The following EIF3B variants were observed in gnomAD, a reference collection of about 807,000 sequenced individuals.
EIF3B encodes the protein eukaryotic translation initiation factor 3 subunit 9.
EIF3B carries 10 observed loss-of-function variants against 104.6 expected under a neutral mutation model. The observed-to-expected ratio is 0.10, with a 90% CI of 0.06 to 0.16. The LOEUF is 0.16. Ranked by LOEUF, EIF3B falls within the 10% of genes least tolerant of loss-of-function variation. The probability of loss-of-function intolerance (pLI) is 1.00; values close to 1 mark genes in which losing one functional copy is unlikely to be tolerated. For synonymous variants in EIF3B, 542 were observed against 417.2 expected, an observed-to-expected ratio of 1.30 and a Z score of -3.65; for missense variants, 1,014 against 1,087.9, an observed-to-expected ratio of 0.93 and a Z score of 0.96.
intron 1 of EIF3B, among the ~76,000 whole-genome samples, chr7:2,358,885 C>T (rs940093758): frequency 1.7e-4 from 26 of 152,158 alleles, no homozygotes; most frequent in Non-Finnish European, 2.9e-5. Flanking sequence ...CATTTCATCA[C>T]ATCAAGAACA....
At chr7:2,378,334 T>C (rs1350576176) in intron 15 of EIF3B, 2 of 263,698 alleles carry the variant, frequency 7.6e-6, no homozygotes, top group South Asian at 4.5e-5. Flanking sequence ...TGCTGTGTTG[T>C]GTGAATGACC....
chr7:2,369,765 ATTTTTTTTTTT>A (rs552367791), intron 10 of EIF3B, 83 bp downstream of exon 10: 145 of 366,038 alleles, frequency 4.0e-4, no homozygotes, highest in Middle Eastern at 1.5e-3. Context: ...GTGTTAATGG[ATTTTTTTTTTT>A]TTTTTTTTTT....
In EIF3B at chr7:2,355,243, C is replaced by T. The variant is rs1235999032; in HGVS notation, c.322C>T (p.Pro108Ser). The T allele has an allele frequency of 7.9e-6, 12 of 1,523,932 alleles. No homozygotes were observed. The highest frequency in any genetic ancestry group is 4.2e-5 in the African/African-American group (3 of 71,076). 94.4% of individuals were successfully genotyped at this position (1,523,932 alleles called of 1,614,324 possible). Residue 108 changes from proline to serine, a missense_variant, in exon 1 of 19, where the codon CCA becomes TCA. Physicochemically the swap from Pro to Ser is moderately conservative, Grantham distance 74. Coordinates refer to ENST00000360876, the MANE Select transcript of EIF3B (RefSeq NM_001037283.2). ...CCCTGTCCCGGCACAGGGCGAGGCC[C>T]CAGGAGAGCAGGCTCGGGACGAGCG... ...EPPVPAQGEA[P>S]GEQARDERSD...
intron 16 of EIF3B, 172 bp from the exon 17 acceptor site, chr7:2,378,962 C>G (rs1189773191): frequency 1.3e-6 from 1 of 746,912 alleles, no homozygotes; most frequent in Non-Finnish European, 2.2e-6. Flanking sequence ...TCACTGCTGC[C>G]TTGTGGGTGG....
intron 10 of EIF3B, among the ~76,000 whole-genome samples, chr7:2,371,395 G>A (rs866278817): frequency 1.1e-4 from 17 of 152,344 alleles, no homozygotes; most frequent in Middle Eastern, 3.4e-3. Flanking sequence ...TATGGCTACA[G>A]GACACCCCAC....
intron 4 of EIF3B, 95 bp downstream of exon 4, chr7:2,363,222 G>C: frequency 7.8e-7 from 1 of 1,283,296 alleles, no homozygotes; most frequent in Non-Finnish European, 1.1e-6. Context: ...GGAGGCTGAG[G>C]TGGGAGGATC....
chr7:2,376,607 A>G (rs1452092335), intron 14 of EIF3B: 2 of 240,026 alleles, frequency 8.3e-6, no homozygotes, highest in South Asian at 1.4e-4. Context: ...TACGTTTGGC[A>G]CAGGGTTCAG....
chr7:2,369,382 T>A lies in EIF3B; in HGVS notation c.1404-90T>A, dbSNP rs557838273. On this transcript the variant is annotated intron_variant, in intron 9 of 18. Transcript: ENST00000360876. Reference sequence around the variant, plus strand: ...CAGCTGTGACAGCATTGAGCTTCTATATAGCAAATGAGTTGTTCTATTCTC... The same window carrying A: ...CAGCTGTGACAGCATTGAGCTTCTAAATAGCAAATGAGTTGTTCTATTCTC... 27 of 1,357,938 alleles carry A rather than the reference T, an allele frequency of 2.0e-5. No homozygotes were observed. In the African/African-American group the frequency reaches 3.7e-4, roughly 19 times the overall value. The allele number at this position is 1,357,938 out of a possible 1,614,324, so 84.1% of individuals were successfully genotyped here.
chr7:2,362,918 A>T, intron 3 of EIF3B, 152 bp from the exon 4 acceptor site: 1 of 1,434,886 alleles, frequency 7.0e-7, no homozygotes, highest in Non-Finnish European at 9.6e-7. Flanking sequence ...GCCCTGCCCC[A>T]CACTTCTGGC....
intron 11 of EIF3B, 106 bp downstream of exon 11, chr7:2,371,955 C>A (rs1780364967): frequency 2.3e-6 from 2 of 885,006 alleles, no homozygotes; most frequent in Non-Finnish European, 3.8e-6. Context: ...TGAGTCAGGA[C>A]TGTGAGCCCT....
At chr7:2,379,712 G>A (rs1780890121) in intron 18 of EIF3B, 4 of 558,750 alleles carry the variant, frequency 7.2e-6, no homozygotes, top group Non-Finnish European at 1.3e-5. Context: ...TGACCACATT[G>A]CAGATGGCGC....
intron 10 of EIF3B, 80 bp downstream of exon 10, chr7:2,369,762 T>C (rs1780218774): frequency 1.1e-6 from 1 of 926,466 alleles, no homozygotes; most frequent in South Asian, 1.9e-5. Context: ...AGGGTGTTAA[T>C]GGATTTTTTT....
At chr7:2,379,683 T>A in intron 18 of EIF3B, 172 bp downstream of exon 18, 1 of 596,170 alleles carries the variant, frequency 1.7e-6, no homozygotes, top group Non-Finnish European at 3.0e-6. Context: ...GGTGCCGACG[T>A]GGCCTCGACT....
chr7:2,370,369 C>A (rs537454801), intron 10 of EIF3B, among the ~76,000 whole-genome samples: 3 of 151,836 alleles, frequency 2.0e-5, no homozygotes, highest in African/African-American at 7.3e-5. Context: ...CCCAGCTACT[C>A]GGGAGGCTGA....
At chr7:2,358,630 G>A (rs896543005) in intron 1 of EIF3B, among the ~76,000 whole-genome samples, 2 of 152,118 alleles carry the variant, frequency 1.3e-5, no homozygotes, top group South Asian at 2.1e-4. Context: ...GGGTTCAAGC[G>A]ATTCTCCTGC....
At chr7:2,356,365 C>G (rs558035645) in intron 1 of EIF3B, among the ~76,000 whole-genome samples, 1 of 152,018 alleles carries the variant, frequency 6.6e-6, no homozygotes, top group South Asian at 2.1e-4. Flanking sequence ...GTAATCCCAG[C>G]ACTTTGGGAG....
rs778136221 is a variant in EIF3B at position 2,374,509 on chromosome 7, G to A, written c.1811-19G>A. ...TGGAAGCCCTCGCAGCTCGTGACAGGCGCGCTCTTTCCTTTCAGAGATGTT... is the reference window on the plus strand; with the variant it reads ...TGGAAGCCCTCGCAGCTCGTGACAGACGCGCTCTTTCCTTTCAGAGATGTT... On this transcript the variant is annotated intron_variant, in intron 12 of 18. Transcript: ENST00000360876. 46 of 1,613,336 alleles carry A rather than the reference G, an allele frequency of 2.9e-5. 2 individuals are homozygous for A. The South Asian group carries it at 5.1e-4, about 18-fold the overall frequency.
chr7:2,355,513 G>T, intron 1 of EIF3B, 93 bp downstream of exon 1: 1 of 1,385,460 alleles, frequency 7.2e-7, no homozygotes, highest in Non-Finnish European at 9.3e-7. Context: ...CCACCGGTTC[G>T]TGCAGAAGTT....
chr7:2,375,296 C>A, intron 13 of EIF3B, 93 bp from the exon 14 acceptor site: 1 of 1,557,366 alleles, frequency 6.4e-7, no homozygotes, highest in Non-Finnish European at 8.8e-7. Flanking sequence ...GAGGCTGGCT[C>A]CCTGGGGACC....
Sources: allele counts gnomAD v4.1 joint callset (sites outside exome capture counted in the v4.1 genomes callset), GRCh38; gene constraint gnomAD v4.1.1; transcripts MANE v1.5; gene names NCBI Gene and HGNC (gene_info 2026-07-23, HGNC 2026-07-21).